Variants in DNAH9 observed in about 807,000 individuals in gnomAD.
The protein encoded by DNAH9 is dynein axonemal heavy chain 9.
DNAH9 carries 345 observed loss-of-function variants against 471.6 expected under a neutral mutation model. That is an observed-to-expected ratio of 0.73 (90% CI 0.67 to 0.80). The LOEUF is 0.80. DNAH9 is among the 30% of genes least tolerant of loss of function. The pLI is 0.00. For synonymous variants in DNAH9, 2,093 were observed against 2,123.6 expected (o/e 0.99, Z 0.40); for missense variants, 5,407 against 5,609.2 (o/e 0.96, Z 1.15).
At chr17:11,884,430 C>A in intron 56 of DNAH9, 1 of 342,182 alleles carries the variant, frequency 2.9e-6, no homozygotes, top group Admixed American at 3.0e-5. Context: ...CAGTCTCGCG[C>A]TTGCATCAGA....
At chr17:11,704,537 A>G in intron 25 of DNAH9, 95 bp downstream of exon 25, 1 of 1,208,414 alleles carries the variant, frequency 8.3e-7, no homozygotes, top group South Asian at 1.5e-5. Flanking sequence ...GGGTCTGTAC[A>G]GCACTGACCA....
chr17:11,866,581 G>T (rs1395514805), intron 50 of DNAH9, among the ~76,000 whole-genome samples: 1 of 151,632 alleles, frequency 6.6e-6, no homozygotes, highest in Non-Finnish European at 1.5e-5. Flanking sequence ...GTCTGCAGAG[G>T]TTACTGCTGT....
chr17:11,846,971 C>T (rs1356048594), intron 49 of DNAH9, among the ~76,000 whole-genome samples: 1 of 150,968 alleles, frequency 6.6e-6, no homozygotes, highest in Admixed American at 6.6e-5. Flanking sequence ...TTGACTTCCT[C>T]TTTTCCTAAT....
At chr17:11,867,538 T>G (rs1056547529) in intron 50 of DNAH9, among the ~76,000 whole-genome samples, 3 of 152,224 alleles carry the variant, frequency 2.0e-5, no homozygotes, top group Admixed American at 6.5e-5. Flanking sequence ...CTTGAATCTG[T>G]CTGAGAAACT....
intron 67 of DNAH9, among the ~76,000 whole-genome samples, chr17:11,954,197 T>C (rs1442664603): frequency 6.6e-6 from 1 of 150,982 alleles, no homozygotes; most frequent in African/African-American, 2.4e-5. Context: ...TGGTCTAACA[T>C]ACATGTAATT....
chr17:11,826,358 TG>T (rs67408362), intron 48 of DNAH9, among the ~76,000 whole-genome samples: 2 of 150,822 alleles, frequency 1.3e-5, no homozygotes, highest in South Asian at 4.2e-4. Flanking sequence ...GGCCGGAAGC[TG>T]GGGGGGTAAT....
intron 3 of DNAH9, 76 bp from the exon 4 acceptor site, chr17:11,611,574 G>A (rs1490505509): frequency 6.8e-7 from 1 of 1,463,500 alleles, no homozygotes; most frequent in East Asian, 2.3e-5. Flanking sequence ...CTCTTTCTGT[G>A]TGACGATGGG....
Position 11,744,990 on chromosome 17 carries a change from A to G in DNAH9, c.6305A>G (p.Asp2102Gly), listed in dbSNP as rs142930898. Residue 2102 changes from aspartate (D) to glycine (G), a missense_variant, in exon 31 of 69, where the codon GAT becomes GGT. Transcript: ENST00000262442. ...ATCGGGGACCTCTTTCCCGCCCTGG[A>G]TGTCCCCCGGAGGAGAGACCCCAAC... Reference protein sequence around the residue: ...GLIGDLFPALDVPRRRDPNFE... With the variant: ...GLIGDLFPALGVPRRRDPNFE... The G allele has an allele frequency of 9.3e-6, 15 of 1,613,998 alleles. No homozygotes were observed. The highest frequency in any genetic ancestry group is 1.3e-5 in the Non-Finnish European group (15 of 1,179,974).
chr17:11,707,000 GAA>G (rs2074714124), intron 26 of DNAH9, among the ~76,000 whole-genome samples: 1 of 152,170 alleles, frequency 6.6e-6, no homozygotes, highest in African/African-American at 2.4e-5. Flanking sequence ...AATTTCATCA[GAA>G]TGTGAAATCT....
At chr17:11,675,722 G>A (rs1331959362) in intron 17 of DNAH9, among the ~76,000 whole-genome samples, 1 of 152,124 alleles carries the variant, frequency 6.6e-6, no homozygotes, top group African/African-American at 2.4e-5. Context: ...AGATGTTAAA[G>A]TGGTGAACAT....
chr17:11,652,113 G>C (rs1597436208), intron 13 of DNAH9, among the ~76,000 whole-genome samples: 1 of 152,198 alleles, frequency 6.6e-6, no homozygotes, highest in African/African-American at 2.4e-5. Context: ...CATGATGAAA[G>C]TGCTTAAAAC....
At chr17:11,896,212 A>C (rs1027752624) in intron 59 of DNAH9, among the ~76,000 whole-genome samples, 1 of 152,154 alleles carries the variant, frequency 6.6e-6, no homozygotes, top group African/African-American at 2.4e-5. Context: ...CAAAGACCCT[A>C]TTTCCAAATA....
chr17:11,940,620 C>A lies in DNAH9; in HGVS notation c.12661-1683C>A, dbSNP rs117600654. ...TACTTTCTTTTTTCTAACATCAGCTCTTTTCCTGGAGATGGCATTGTGTGT... is the reference window on the plus strand; with the variant it reads ...TACTTTCTTTTTTCTAACATCAGCTATTTTCCTGGAGATGGCATTGTGTGT... On this transcript the variant is annotated intron_variant, in intron 66 of 68. Coordinates refer to ENST00000262442, the MANE Select transcript of DNAH9 (RefSeq NM_001372.4). Among the ~76,000 whole-genome samples the A allele has an allele frequency of 2.8e-3, 428 of 152,256 alleles. 8 individuals carry two copies. The East Asian group carries it at 0.042, about 15-fold the overall frequency.
intron 45 of DNAH9, among the ~76,000 whole-genome samples, chr17:11,818,257 C>T (rs569809051): frequency 2.0e-5 from 3 of 152,088 alleles, no homozygotes; most frequent in South Asian, 2.1e-4. Context: ...GGTGAAACCC[C>T]GTCTGTACTA....
In DNAH9 at chr17:11,932,329, T is replaced by C; in HGVS notation, c.12297+124T>C. On this transcript the variant is annotated intron_variant, in intron 64 of 68. Coordinates refer to ENST00000262442, the MANE Select transcript of DNAH9 (RefSeq NM_001372.4). The surrounding 1 kb of genome is among the most constrained non-coding windows in gnomAD (Gnocchi z 4.3). ...GAATGTGCATTTCTAACAAGCTCCCTCGTGATGCAGATGCTGCTGATTCGG... is the reference window on the plus strand; with the variant it reads ...GAATGTGCATTTCTAACAAGCTCCCCCGTGATGCAGATGCTGCTGATTCGG... 2 of 993,430 alleles carry C rather than the reference T, an allele frequency of 2.0e-6. No individual in the cohort carries two copies. The highest frequency in any genetic ancestry group is 2.9e-6 in the Non-Finnish European group (2 of 691,268). The allele number at this position is 993,430 out of a possible 1,614,324, so 61.5% of individuals were successfully genotyped here.
intron 27 of DNAH9, among the ~76,000 whole-genome samples, chr17:11,725,746 A>G (rs2075139481): frequency 6.6e-6 from 1 of 152,134 alleles, no homozygotes; most frequent in Non-Finnish European, 1.5e-5. Flanking sequence ...GCACGCCTGT[A>G]ATCTTAGCTA....
At chr17:11,863,232 C>T (rs570658586) in intron 50 of DNAH9, among the ~76,000 whole-genome samples, 7 of 152,018 alleles carry the variant, frequency 4.6e-5, no homozygotes, top group Non-Finnish European at 5.9e-5. Context: ...TAGCATGAAG[C>T]GTTGTTGAAT....
chr17:11,703,913 G>A (rs565320177), intron 24 of DNAH9, among the ~76,000 whole-genome samples: 22 of 152,156 alleles, frequency 1.4e-4, no homozygotes, highest in South Asian at 4.1e-4. Flanking sequence ...ATTCATCCCC[G>A]TCACAATTTC....
intron 67 of DNAH9, among the ~76,000 whole-genome samples, chr17:11,952,289 A>C (rs1261485459): frequency 7.3e-6 from 1 of 137,058 alleles, no homozygotes; most frequent in East Asian, 2.2e-4. Flanking sequence ...ACAGGCATGC[A>C]CCATTACACC....
Sources: gnomAD v4.1 joint callset for allele counts (sites outside exome capture counted in the v4.1 genomes callset) on GRCh38, gnomAD v4.1.1 for gene constraint, Gnocchi (gnomAD v3.1) non-coding constraint, MANE v1.5 for transcripts, NCBI Gene and HGNC (gene_info 2026-07-23, HGNC 2026-07-21) for gene names.